GIPC2: variants seen among roughly 807,000 people sequenced by gnomAD.
GIPC2 encodes GIPC PDZ domain containing family member 2.
Under a neutral mutation model 30.6 loss-of-function variants are expected in GIPC2, and 30 were observed. The observed-to-expected ratio is 0.98, with a 90% CI of 0.73 to 1.33. The LOEUF (loss-of-function observed/expected upper bound fraction) is 1.33, where lower values mean the gene tolerates loss of function less well. Among genes scored for constraint, GIPC2 ranks in the 40% most tolerant of loss-of-function variants. GIPC2 has a pLI of 0.00. For synonymous variants in GIPC2, 167 were observed against 150.0 expected (o/e 1.11, Z -0.83); for missense variants, 414 against 390.3 (o/e 1.06, Z -0.51).
chr1:78,121,136 C>A (rs1350122312), intron 4 of GIPC2, among the ~76,000 whole-genome samples: 1 of 152,076 alleles, frequency 6.6e-6, no homozygotes, highest in Admixed American at 6.5e-5. Flanking sequence ...GTGAAAAACA[C>A]CAGAAGGAGA....
rs1661058819 is a variant in GIPC2, at chr1:78,045,968, G to C, written c.-127G>C. Reference sequence around the variant, plus strand: ...CGGGGCCCTGACCCGACGCAGCCAGGCGGAAGCGCGGCTGCCATTGGAGGC... The same window carrying C: ...CGGGGCCCTGACCCGACGCAGCCAGCCGGAAGCGCGGCTGCCATTGGAGGC... On this transcript the variant is annotated 5_prime_UTR_variant, in exon 1 of 6. Transcript: ENST00000370759. The C allele has an allele frequency of 1.5e-6, 2 of 1,376,110 alleles. No homozygotes were observed. The highest frequency in any genetic ancestry group is 1.9e-6 in the Non-Finnish European group (2 of 1,070,208). The allele number at this position is 1,376,110 out of a possible 1,614,324, so 85.2% of individuals were successfully genotyped here. A position where few individuals can be genotyped will look rare whatever the true frequency, so the allele number is the denominator to read the frequency against.
At position 78,083,799 on chromosome 1, in the gene GIPC2, G is replaced by A. The variant is rs964793610; in HGVS notation, c.426+2939G>A. 1.1e-4 allele frequency among the ~76,000 whole-genome samples: 16 copies of A among 152,302 alleles called. 1 individual carries two copies. The highest frequency in any genetic ancestry group is 1.0e-3 in the Admixed American group (16 of 15,306). ...TGAGACTTGGCCTGCAGGAACCCCT[G>A]TAAGTGGGCCCCCATGTCCTTTTGA... is the stretch of plus-strand genomic sequence containing the variant. On this transcript the variant is annotated intron_variant, in intron 2 of 5. Coordinates refer to ENST00000370759, the MANE Select transcript of GIPC2 (RefSeq NM_017655.6).
chr1:78,087,506 A>G (rs1661952922), intron 2 of GIPC2, among the ~76,000 whole-genome samples: 1 of 152,218 alleles, frequency 6.6e-6, no homozygotes, highest in Non-Finnish European at 1.5e-5. Context: ...AAGACTCCCT[A>G]TTTAATAAAT....
At chr1:78,058,221 G>C (rs566344045) in intron 1 of GIPC2, among the ~76,000 whole-genome samples, 1 of 152,240 alleles carries the variant, frequency 6.6e-6, no homozygotes, top group South Asian at 2.1e-4. Flanking sequence ...TTCCTCATCT[G>C]TTAAGTGGGG....
intron 3 of GIPC2, among the ~76,000 whole-genome samples, chr1:78,100,089 AAG>A (rs1662213620): frequency 6.6e-6 from 1 of 152,230 alleles, no homozygotes; most frequent in Admixed American, 6.5e-5. Flanking sequence ...AAAGGGATAT[AAG>A]ATAGAGTTTA....
At chr1:78,094,029 G>A (rs1571503252) in intron 2 of GIPC2, among the ~76,000 whole-genome samples, 1 of 152,066 alleles carries the variant, frequency 6.6e-6, no homozygotes, top group Non-Finnish European at 1.5e-5. Flanking sequence ...CCAACTTGAA[G>A]TTTCTCCTTG....
intron 2 of GIPC2, chr1:78,092,167 G>T: frequency 1.5e-6 from 1 of 682,014 alleles, no homozygotes; most frequent in South Asian, 2.0e-5. Flanking sequence ...ATAGTCTAGA[G>T]CCTTTAAAAA....
chr1:78,103,221 G>A (rs1662283629), intron 3 of GIPC2, among the ~76,000 whole-genome samples: 1 of 152,164 alleles, frequency 6.6e-6, no homozygotes, highest in South Asian at 2.1e-4. Flanking sequence ...GATACATTAA[G>A]AATCAAGTAA....
At chr1:78,131,082 C>T (rs966415214) in intron 5 of GIPC2, among the ~76,000 whole-genome samples, 1 of 152,100 alleles carries the variant, frequency 6.6e-6, no homozygotes, top group South Asian at 2.1e-4. Flanking sequence ...AGCAGTCTCC[C>T]TACATCACCC....
intron 5 of GIPC2, 136 bp downstream of exon 5, chr1:78,126,098 G>T: frequency 1.8e-6 from 1 of 546,548 alleles, no homozygotes; most frequent in East Asian, 3.1e-5. Context: ...CAGACATAAA[G>T]ATAAGAATAA....
chr1:78,070,800 C>T (rs11162412), intron 1 of GIPC2, among the ~76,000 whole-genome samples: 34,204 of 151,802 alleles, frequency 0.23, 4,168 homozygotes, highest in East Asian at 0.49. Context: ...GGATAGAATT[C>T]TTATTTGTCA....
chr1:78,047,693 A>G (rs1462203407), intron 1 of GIPC2, among the ~76,000 whole-genome samples: 1 of 152,212 alleles, frequency 6.6e-6, no homozygotes, highest in Non-Finnish European at 1.5e-5. Flanking sequence ...TCTGTAAAAT[A>G]GAGATTAGAA....
chr1:78,086,745 T>G (rs983282466), intron 2 of GIPC2, among the ~76,000 whole-genome samples: 1 of 152,164 alleles, frequency 6.6e-6, no homozygotes, highest in African/African-American at 2.4e-5. Context: ...AAAACAGGGA[T>G]AGGATTGCAG....
In GIPC2 at chr1:78,080,798, A is replaced by G. The variant is rs1425086116; in HGVS notation, c.364A>G (p.Lys122Glu). The G allele has an allele frequency of 3.1e-6, 5 of 1,611,084 alleles. No individual in the cohort carries two copies. Among genetic ancestry groups the G allele is most frequent in the Admixed American group, 3.3e-5 (2 of 59,954 alleles). Reference protein sequence around the residue: ...KGIEKEVNVYKSEDSLGLTIT... With the variant: ...KGIEKEVNVYESEDSLGLTIT... ...AATCGAAAAAGAAGTGAATGTGTAT[A>G]AATCTGAGGATTCACTTGGTCTCAC... Residue 122 changes from lysine to glutamate, a missense_variant, in exon 2 of 6, where the codon AAA (lysine) becomes GAA (glutamate). Lys to Glu is a moderately conservative substitution (Grantham distance 56, BLOSUM62 1). Coordinates refer to ENST00000370759, the MANE Select transcript of GIPC2 (RefSeq NM_017655.6).
intron 5 of GIPC2, among the ~76,000 whole-genome samples, 156 bp downstream of exon 5, chr1:78,126,118 G>C (rs1319921165): frequency 6.6e-6 from 1 of 152,198 alleles, no homozygotes; most frequent in Non-Finnish European, 1.5e-5. Context: ...ATGAAGACCT[G>C]TTCCTTACCG....
chr1:78,061,276 A>C (rs970415468), intron 1 of GIPC2, among the ~76,000 whole-genome samples: 8 of 152,174 alleles, frequency 5.3e-5, no homozygotes, highest in African/African-American at 1.9e-4. Flanking sequence ...CTAGTTGCTC[A>C]CTTAGACAAA....
At chr1:78,112,925 A>T (rs567282281) in intron 3 of GIPC2, among the ~76,000 whole-genome samples, 1 of 152,326 alleles carries the variant, frequency 6.6e-6, no homozygotes, top group East Asian at 1.9e-4. Context: ...AGCATTCGTT[A>T]TTTGGGTGAT....
At chr1:78,090,182 A>G (rs1662010827) in intron 2 of GIPC2, among the ~76,000 whole-genome samples, 2 of 152,074 alleles carry the variant, frequency 1.3e-5, no homozygotes, top group African/African-American at 4.8e-5. Context: ...ACTTTAATTA[A>G]TTAATTAATT....
chr1:78,056,814 G>GT (rs1412576882), intron 1 of GIPC2, among the ~76,000 whole-genome samples: 4 of 152,220 alleles, frequency 2.6e-5, no homozygotes, highest in African/African-American at 7.2e-5. Flanking sequence ...CCATTATATA[G>GT]TTTTTTCATT....
Sources: gnomAD v4.1 joint callset for allele counts (sites outside exome capture counted in the v4.1 genomes callset) on GRCh38, gnomAD v4.1.1 for gene constraint, MANE v1.5 for transcripts, NCBI Gene and HGNC (gene_info 2026-07-23, HGNC 2026-07-21) for gene names.